FAM162A: variants seen among roughly 807,000 people sequenced by gnomAD.
FAM162A encodes protein FAM162A.
Under a neutral mutation model 21.8 loss-of-function variants are expected in FAM162A, and 23 were observed. The ratio of observed to expected loss-of-function variants is 1.05; its 90% confidence interval spans 0.76 to 1.49. The LOEUF (loss-of-function observed/expected upper bound fraction) is 1.49, where lower values mean the gene tolerates loss of function less well. FAM162A is among the 40% of genes most tolerant of loss of function. The pLI is 0.00. For missense variants in FAM162A, 165 were observed against 186.4 expected (o/e 0.89, Z 0.67); for synonymous variants, 53 against 61.3 (o/e 0.86, Z 0.64).
chr3:122,404,286 AC>A lies in FAM162A; in HGVS notation c.188del (p.Pro63LeufsTer39). On this transcript the variant is annotated frameshift_variant, in exon 3 of 5. Coordinates refer to ENST00000477892, the MANE Select transcript of FAM162A (RefSeq NM_014367.4). LOFTEE classifies it high-confidence loss of function. Reference protein sequence around the residue: ...RTYNRVPLHKPTDWQKKILIW... With the variant: ...RTYNRVPLHKXTDWQKKILIW... ...CTTACAACAGAGTGCCTTTACACAAACCTACGGATTGGCAGAAAAAGATCCT... is the reference window on the plus strand; with the variant it reads ...CTTACAACAGAGTGCCTTTACACAAACTACGGATTGGCAGAAAAAGATCCT... 1 of 1,606,918 alleles carries A rather than the reference AC, an allele frequency of 6.2e-7. No homozygotes were observed. The highest frequency in any genetic ancestry group is 8.5e-7 in the Non-Finnish European group (1 of 1,176,810).
At chr3:122,394,270 A>G (rs1478404344) in intron 1 of FAM162A, among the ~76,000 whole-genome samples, 1 of 152,222 alleles carries the variant, frequency 6.6e-6, no homozygotes, top group Admixed American at 6.5e-5. Flanking sequence ...TGGGGGTTAC[A>G]TTTCAACATG....
At chr3:122,391,825 G>A (rs1347727042) in intron 1 of FAM162A, among the ~76,000 whole-genome samples, 1 of 152,224 alleles carries the variant, frequency 6.6e-6, no homozygotes, top group Non-Finnish European at 1.5e-5. Flanking sequence ...CTTCAAGAGT[G>A]ACATTCTCAC....
intron 1 of FAM162A, among the ~76,000 whole-genome samples, chr3:122,397,492 A>G (rs1196333104): frequency 1.3e-5 from 2 of 152,320 alleles, no homozygotes; most frequent in East Asian, 3.9e-4. Flanking sequence ...AGCATCATAT[A>G]GTGGCAAAGC....
At chr3:122,403,010 G>C in intron 2 of FAM162A, 128 bp downstream of exon 2, 1 of 1,087,028 alleles carries the variant, frequency 9.2e-7, no homozygotes, top group Non-Finnish European at 1.3e-6. Flanking sequence ...AACACATTGT[G>C]TTCACATTGT....
chr3:122,399,737 T>G (rs2075644644), intron 1 of FAM162A, among the ~76,000 whole-genome samples: 1 of 152,188 alleles, frequency 6.6e-6, no homozygotes, highest in Non-Finnish European at 1.5e-5. Flanking sequence ...TAATTTATAC[T>G]CCCATCAACA....
intron 1 of FAM162A, chr3:122,401,476 G>A (rs983721084): frequency 2.4e-6 from 3 of 1,237,692 alleles, no homozygotes; most frequent in Non-Finnish European, 3.1e-6. Flanking sequence ...AAAAGAAGGG[G>A]GCTATCTCTT....
At position 122,409,801 on chromosome 3, in the gene FAM162A, G is replaced by A. The variant is rs751351840; in HGVS notation, c.435G>A (p.Glu145=). The part of the protein sequence containing the change: ...LNLEKKARLK[E]EAAMKAKTE ...TAGAAAAGAAAGCTCGTCTGAAAGA[G>A]GAAGCAGCTATGAAGGCCAAAACAG... is the stretch of plus-strand genomic sequence containing the variant. Residue 145 remains glutamate, a synonymous_variant, in exon 5 of 5, where the codon GAG becomes GAA. Transcript: ENST00000477892. 6.8e-6 allele frequency: 11 copies of A among 1,613,972 alleles called. No individual in the cohort carries two copies. Among genetic ancestry groups the A allele is most frequent in the Admixed American group, 1.7e-5 (1 of 60,004 alleles).
intron 1 of FAM162A, among the ~76,000 whole-genome samples, chr3:122,399,649 T>C (rs566390746): frequency 6.6e-6 from 1 of 152,356 alleles, no homozygotes; most frequent in East Asian, 1.9e-4. Flanking sequence ...TACCCAGTAA[T>C]GGCATTGCTG....
At position 122,384,194 on chromosome 3, in the gene FAM162A, G is replaced by A; in HGVS notation, c.-72G>A. ...CTGCGTCCTTCCCACTCCAACGCTGGGTGACATTGAGCTCACCAGCGCCAC... is the reference window on the plus strand; with the variant it reads ...CTGCGTCCTTCCCACTCCAACGCTGAGTGACATTGAGCTCACCAGCGCCAC... On this transcript the variant is annotated 5_prime_UTR_variant, in exon 1 of 5. Coordinates refer to ENST00000477892, the MANE Select transcript of FAM162A (RefSeq NM_014367.4). 6.5e-7 allele frequency: 1 copy of A among 1,543,720 alleles called. No individual in the cohort carries two copies. Among genetic ancestry groups the A allele is most frequent in the Non-Finnish European group, 8.8e-7 (1 of 1,141,798 alleles).
chr3:122,408,368 A>G (rs757234771), intron 4 of FAM162A, among the ~76,000 whole-genome samples: 9 of 152,186 alleles, frequency 5.9e-5, no homozygotes, highest in Non-Finnish European at 1.3e-4. Context: ...GTATAATTCT[A>G]TATATCACAG....
intron 1 of FAM162A, 138 bp downstream of exon 1, chr3:122,384,437 T>C (rs1443813249): frequency 9.4e-7 from 1 of 1,065,618 alleles, no homozygotes; most frequent in African/African-American, 1.6e-5. Context: ...TCCTACCTAC[T>C]TAGTAGCCAT....
At chr3:122,385,665 G>A (rs1190074139) in intron 1 of FAM162A, among the ~76,000 whole-genome samples, 1 of 152,172 alleles carries the variant, frequency 6.6e-6, no homozygotes, top group African/African-American at 2.4e-5. Context: ...CTTCTGATGT[G>A]TAAAAACTTC....
intron 1 of FAM162A, among the ~76,000 whole-genome samples, chr3:122,389,428 TA>T (rs1293787670): frequency 8.5e-5 from 12 of 141,444 alleles, no homozygotes; most frequent in African/African-American, 1.0e-4. Flanking sequence ...GATAGATAGA[TA>T]GATAGATGAG....
rs11553085 is a variant in FAM162A, at chr3:122,411,904, T to C, written c.*2073T>C. On this transcript the variant is annotated 3_prime_UTR_variant, in exon 5 of 5. Coordinates refer to ENST00000477892, the MANE Select transcript of FAM162A (RefSeq NM_014367.4). Reference sequence around the variant, plus strand: ...ATTAAACTAAAGCTCACAACTGTTATTATGCATCAGGAATTAACAGTCATT... The same window carrying C: ...ATTAAACTAAAGCTCACAACTGTTACTATGCATCAGGAATTAACAGTCATT... 77,494 of 151,982 alleles carry C rather than the reference T, an allele frequency of 0.51. 20,254 individuals are homozygous for C. Among genetic ancestry groups the C allele is most frequent in the East Asian group, 0.65 (3,343 of 5,158 alleles). The allele number at this position is 151,982 out of a possible 1,614,324, so 9.4% of individuals were successfully genotyped here.
Position 122,410,985 on chromosome 3 carries a change from G to A in FAM162A, c.*1154G>A, listed in dbSNP as rs960156414. Reference sequence around the variant, plus strand: ...ATTGCCTCAAAGTGCATTGTGCTGTGCCTAATTTATAAAATAAACGGTATC... The same window carrying A: ...ATTGCCTCAAAGTGCATTGTGCTGTACCTAATTTATAAAATAAACGGTATC... On this transcript the variant is annotated 3_prime_UTR_variant, in exon 5 of 5. Transcript: ENST00000477892. The A allele has an allele frequency of 3.3e-5, 5 of 151,942 alleles. No homozygotes were observed. The highest frequency in any genetic ancestry group is 1.2e-4 in the African/African-American group (5 of 41,434). The allele number at this position is 151,942 out of a possible 1,614,324, so 9.4% of individuals were successfully genotyped here.
intron 1 of FAM162A, among the ~76,000 whole-genome samples, chr3:122,385,707 T>C (rs1460450394): frequency 6.6e-6 from 1 of 152,248 alleles, no homozygotes; most frequent in East Asian, 1.9e-4. Context: ...GCAGAATTCC[T>C]TGAGTGATTT....
At chr3:122,389,431 A>G (rs1030157604) in intron 1 of FAM162A, among the ~76,000 whole-genome samples, 4 of 150,728 alleles carry the variant, frequency 2.7e-5, no homozygotes, top group Non-Finnish European at 5.9e-5. Context: ...AGATAGATAG[A>G]TAGATGAGAT....
At chr3:122,409,635 T>G in intron 4 of FAM162A, 104 bp from the exon 5 acceptor site, 1 of 922,978 alleles carries the variant, frequency 1.1e-6, no homozygotes, top group Non-Finnish European at 1.8e-6. Context: ...AGCAGAGGAC[T>G]CCATGCCTCC....
In FAM162A at chr3:122,404,256, A is replaced by G. The variant is rs1301392360; in HGVS notation, c.158-2A>G. ...AAATTTCTTGTCTGGTTTTTCTCATAGGCACTTACAACAGAGTGCCTTTAC... is the reference window on the plus strand; with the variant it reads ...AAATTTCTTGTCTGGTTTTTCTCATGGGCACTTACAACAGAGTGCCTTTAC... On this transcript the variant is annotated splice_acceptor_variant, in intron 2 of 4. Coordinates refer to ENST00000477892, the MANE Select transcript of FAM162A (RefSeq NM_014367.4). LOFTEE classifies it high-confidence loss of function. The G allele has an allele frequency of 7.3e-6, 11 of 1,499,092 alleles. No homozygotes were observed. The highest frequency in any genetic ancestry group is 1.0e-5 in the Non-Finnish European group (11 of 1,103,418). 92.9% of individuals were successfully genotyped at this position (1,499,092 alleles called of 1,614,324 possible). A position where few individuals can be genotyped will look rare whatever the true frequency, so the allele number is the denominator to read the frequency against.
Sources: gnomAD v4.1 joint callset for allele counts (sites outside exome capture counted in the v4.1 genomes callset) on GRCh38, gnomAD v4.1.1 for gene constraint, MANE v1.5 for transcripts, NCBI Gene and HGNC (gene_info 2026-07-23, HGNC 2026-07-21) for gene names.